The following SPATA31C2 variants were observed in gnomAD, a reference collection of about 807,000 sequenced individuals.
SPATA31C2 encodes SPATA31 subfamily C member 2.
A neutral mutation model predicts 11.4 loss-of-function variants in SPATA31C2; 5 were observed. The ratio of observed to expected loss-of-function variants is 0.44; its 90% CI spans 0.23 to 0.92. SPATA31C2 has a LOEUF of 0.92. SPATA31C2 is among the 40% of genes least tolerant of loss of function. The pLI is 0.24. For missense variants in SPATA31C2, 1,353 were observed against 1,368.6 expected (o/e 0.99, Z 0.18); for synonymous variants, 515 against 538.7 (o/e 0.96, Z 0.61).
Position 88,132,666 on chromosome 9 carries a change from G to C in SPATA31C2, c.371C>G (p.Ser124Cys), listed in dbSNP as rs1041735082. The change falls in exon 4 of 4, where the codon TCT becomes TGT. Residue 124 changes from serine (S) to cysteine (C), a missense_variant. Coordinates refer to ENST00000324915, the MANE Select transcript of SPATA31C2 (RefSeq NM_001350978.3). ...HLEKGDFGQL[S>C]GPDPPGEVGK... ...CACCTCACCTGGCGGGTCTGGACCA[G>C]AGAGCTGACCAAAGTCACCTTTTTC... The C allele has an allele frequency of 2.7e-5, 43 of 1,608,198 alleles. No individual in the cohort carries two copies. Among genetic ancestry groups the C allele is most frequent in the Non-Finnish European group, 3.7e-5 (43 of 1,176,976 alleles).
Position 88,131,815 on chromosome 9 carries a change from C to T in SPATA31C2, c.1222G>A (p.Gly408Ser). Residue 408 changes from glycine to serine, a missense_variant, in exon 4 of 4, where the codon GGT becomes AGT. Physicochemically the swap from Gly to Ser is moderately conservative, Grantham distance 56. This residue lies in a region of SPATA31C2 where 1,075 missense variants were observed against 992.8 expected (regional missense o/e 1.08). Coordinates refer to ENST00000324915, the MANE Select transcript of SPATA31C2 (RefSeq NM_001350978.3). ...ACCCTAGAGGGTAAAGCCAACCCAC[C>T]TTCTAGTTGTTTCTTCAACAAAGGC... The part of the protein sequence containing the change: ...ERPLLKKQLE[G>S]GLALPSRVQK... The T allele has an allele frequency of 6.2e-7, 1 of 1,611,570 alleles. No individual in the cohort carries two copies. Among genetic ancestry groups the T allele is most frequent in the Non-Finnish European group, 8.5e-7 (1 of 1,179,582 alleles).
At chr9:88,137,141 G>C (rs1355506602) in intron 1 of SPATA31C2, among the ~76,000 whole-genome samples, 30 of 138,774 alleles carry the variant, frequency 2.2e-4, no homozygotes, top group African/African-American at 8.2e-4. Flanking sequence ...AATCAAGACA[G>C]TGTGGTATTG....
chr9:88,132,051 A>T lies in SPATA31C2; in HGVS notation c.986T>A (p.Leu329Gln). ...AATAAAGGGTTGGGACTCAGGCTCCAGATGGGACAGGGGCTGGGCCTGGAA... is the reference window on the plus strand; with the variant it reads ...AATAAAGGGTTGGGACTCAGGCTCCTGATGGGACAGGGGCTGGGCCTGGAA... ...LLFQAQPLSH[L>Q]EPESQPFISS... The change falls in exon 4 of 4, where the codon CTG becomes CAG. Residue 329 changes from leucine (L) to glutamine (Q), a missense_variant. Leu to Gln is a moderately radical substitution (Grantham distance 113, BLOSUM62 -2). This residue lies in a region of SPATA31C2 where 1,075 missense variants were observed against 992.8 expected (regional missense o/e 1.08). Transcript: ENST00000324915. 6.2e-7 allele frequency: 1 copy of T among 1,610,852 alleles called. No homozygotes were observed.
chr9:88,131,659 G>A lies in SPATA31C2; in HGVS notation c.1378C>T (p.Arg460Cys), dbSNP rs369143949. 214 of 1,611,974 alleles carry A rather than the reference G, an allele frequency of 1.3e-4. 1 individual carries two copies. In the East Asian group the frequency reaches 3.3e-3, roughly 25 times the overall value. The change falls in exon 4 of 4, where the codon CGT becomes TGT. Residue 460 changes from arginine (R) to cysteine (C), a missense_variant. Arg to Cys is a radical substitution (Grantham distance 180). Coordinates refer to ENST00000324915, the MANE Select transcript of SPATA31C2 (RefSeq NM_001350978.3). The part of the protein sequence containing the change: ...WRQLEQHMGQ[R>C]GRIQESLDLM... ...TCCAGAGACTCTTGGATCCTTCCAC[G>A]TTGCCCCATGTGTTGCTCCAGTTGT...
intron 1 of SPATA31C2, among the ~76,000 whole-genome samples, chr9:88,137,931 C>T (rs1825701704): frequency 8.9e-6 from 1 of 111,876 alleles, no homozygotes; most frequent in Non-Finnish European, 1.6e-5. Flanking sequence ...GACCTCCCAT[C>T]TCATGACCAG....
rs1471726733 is a variant in SPATA31C2 at position 88,131,867 on chromosome 9, G to A, written c.1170C>T (p.Ser390=). 2 of 1,610,896 alleles carry A rather than the reference G, an allele frequency of 1.2e-6. No individual in the cohort carries two copies. The highest frequency in any genetic ancestry group is 1.7e-6 in the Non-Finnish European group (2 of 1,179,064). Residue 390 remains serine, a synonymous_variant, in exon 4 of 4, where the codon TCC becomes TCT. Coordinates refer to ENST00000324915, the MANE Select transcript of SPATA31C2 (RefSeq NM_001350978.3). ...TTTCAGGGTGCTGAGTTTCAGGTAG[G>A]GAGAGAGCTTGCACTTTATTCTGCG... ...PASQNKVQAL[S]LPETQHPERP...
At chr9:88,133,793 C>A in intron 1 of SPATA31C2, 124 bp from the exon 2 acceptor site, 2 of 1,343,796 alleles carry the variant, frequency 1.5e-6, no homozygotes, top group Non-Finnish European at 2.1e-6. Flanking sequence ...GCTCTGTGTG[C>A]TTCCTCCCCT....
At chr9:88,136,610 A>T (rs1825685703) in intron 1 of SPATA31C2, among the ~76,000 whole-genome samples, 1 of 146,878 alleles carries the variant, frequency 6.8e-6, no homozygotes, top group African/African-American at 2.5e-5. Context: ...TCTAATAATT[A>T]TTCATCAAGT....
intron 2 of SPATA31C2, among the ~76,000 whole-genome samples, chr9:88,133,234 A>AC (rs1825630003): frequency 2.8e-5 from 1 of 36,096 alleles, no homozygotes; most frequent in South Asian, 9.7e-4. Context: ...CAGACCCTCC[A>AC]CCCCCACGGT....
rs756748423 is a variant in SPATA31C2 at position 88,130,755 on chromosome 9, G to A, written c.2282C>T (p.Thr761Ile). The A allele has an allele frequency of 5.0e-6, 8 of 1,613,274 alleles. No individual in the cohort carries two copies. The African/African-American group carries it at 6.7e-5, about 13-fold the overall frequency. Residue 761 changes from threonine (T) to isoleucine (I), a missense_variant, in exon 4 of 4, where the codon ACA (threonine) becomes ATA (isoleucine). Transcript: ENST00000324915. ...SNDHGSLKAP[T>I]AGQEGRWPSK... The stretch of plus-strand genomic sequence containing the variant: ...TGGCCACCTGCCCTCCTGTCCAGCT[G>A]TAGGAGCCTTCAAGGACCCATGATC...
In SPATA31C2 at chr9:88,132,400, G is replaced by T; in HGVS notation, c.637C>A (p.Pro213Thr). The T allele has an allele frequency of 6.2e-7, 1 of 1,611,158 alleles. No individual in the cohort carries two copies. Among genetic ancestry groups the T allele is most frequent in the Admixed American group, 1.7e-5 (1 of 59,862 alleles). Residue 213 changes from proline (P) to threonine (T), a missense_variant, in exon 4 of 4, where the codon CCA becomes ACA. By Grantham distance (38) the Pro-to-Thr change is conservative. Around this residue, in one of 6 missense-constraint regions of SPATA31C2, gnomAD observed 1,075 missense variants for 992.8 expected, o/e 1.08. Transcript: ENST00000324915. ...SPEPPALFPH[P>T]PRTPDPLACS... ...GCCAGAGGATCAGGAGTGCGTGGTG[G>T]GTGAGGGAAAAGTGCAGGTGGCTCG...
At position 88,130,929 on chromosome 9, in the gene SPATA31C2, A is replaced by G. The variant is rs1179582826; in HGVS notation, c.2108T>C (p.Val703Ala). ...CESGAGSKVEVATFLGEPPMA... is the reference protein window; with the variant it reads ...CESGAGSKVEAATFLGEPPMA... ...TGGTGGCTCTCCAAGGAACGTGGCC[A>G]CCTCAACTTTTGAGCCAGCCCCAGA... The change falls in exon 4 of 4, where the codon GTG (valine) becomes GCG (alanine). Residue 703 changes from valine (V) to alanine (A), a missense_variant. Physicochemically the swap from Val to Ala is moderately conservative, Grantham distance 64. Coordinates refer to ENST00000324915, the MANE Select transcript of SPATA31C2 (RefSeq NM_001350978.3). The G allele has an allele frequency of 6.2e-7, 1 of 1,613,622 alleles. No homozygotes were observed. Among genetic ancestry groups the G allele is most frequent in the Non-Finnish European group, 8.5e-7 (1 of 1,179,874 alleles).
Position 88,136,632 on chromosome 9 carries a change from A to G in SPATA31C2, c.189+1626T>C, listed in dbSNP as rs565049849. Among the ~76,000 whole-genome samples, 3 of 147,130 alleles carry G rather than the reference A, an allele frequency of 2.0e-5. No homozygotes were observed. In the East Asian group the frequency reaches 6.3e-4, roughly 31 times the overall value. On this transcript the variant is annotated intron_variant, in intron 1 of 3. Coordinates refer to ENST00000324915, the MANE Select transcript of SPATA31C2 (RefSeq NM_001350978.3). ...ATTATTCATCAAGTCCTAGGACCTG[A>G]AGAATTTCTCATTAAATTTCATATT... is the stretch of plus-strand genomic sequence containing the variant.
chr9:88,137,353 G>C (rs1181303394), intron 1 of SPATA31C2, among the ~76,000 whole-genome samples: 1 of 146,766 alleles, frequency 6.8e-6, no homozygotes, highest in South Asian at 2.2e-4. Context: ...AGCCGGGCGC[G>C]GTGGCTCATG....
At chr9:88,133,075 A>G (rs971750761) in intron 2 of SPATA31C2, 49 bp from the exon 3 acceptor site, 1 of 1,247,102 alleles carries the variant, frequency 8.0e-7, no homozygotes, top group Non-Finnish European at 1.1e-6. Context: ...TTGGGATCTC[A>G]CAGGAGGCTG....
In SPATA31C2 at chr9:88,132,244, C is replaced by T; in HGVS notation, c.793G>A (p.Asp265Asn). 2 of 1,610,760 alleles carry T rather than the reference C, an allele frequency of 1.2e-6. No homozygotes were observed. Among genetic ancestry groups the T allele is most frequent in the African/African-American group, 1.3e-5 (1 of 74,966 alleles). The change falls in exon 4 of 4, where the codon GAT becomes AAT. Residue 265 changes from aspartate to asparagine, a missense_variant. By Grantham distance (23) the Asp-to-Asn change is conservative (BLOSUM62 1). This residue lies in a region of SPATA31C2 where 1,075 missense variants were observed against 992.8 expected (regional missense o/e 1.08). Coordinates refer to ENST00000324915, the MANE Select transcript of SPATA31C2 (RefSeq NM_001350978.3). ...TVPQSLSPRE[D>N]LAASVPGISG... ...ATGCCTGGGACAGAAGCCGCCAAAT[C>T]CTCACGTGGAGACAAGCTTTGAGGG... is the stretch of plus-strand genomic sequence containing the variant.
Position 88,129,637 on chromosome 9 carries a change from G to C in SPATA31C2, c.3400C>G (p.Gln1134Glu), listed in dbSNP as rs763608555. Residue 1134 changes from glutamine (Q) to glutamate (E), a missense_variant, in exon 4 of 4, where the codon CAG becomes GAG. By Grantham distance (29) the Gln-to-Glu change is conservative. This residue lies in a region of SPATA31C2 where 187 missense variants were observed against 205.8 expected (regional missense o/e 0.91). Transcript: ENST00000324915. ...CACCGGACACTTTTCAAGGGCTACT[G>C]ATCTCTGATTTGTCTGTCTCTGTTG... Reference protein sequence around the residue: ...RPNRDRQIRDQ With the variant: ...RPNRDRQIRDE The C allele has an allele frequency of 6.2e-7, 1 of 1,603,026 alleles. No individual in the cohort carries two copies. The highest frequency in any genetic ancestry group is 1.1e-5 in the South Asian group (1 of 90,936).
In SPATA31C2 at chr9:88,131,331, C is replaced by T. The variant is rs149832500; in HGVS notation, c.1706G>A (p.Arg569Lys). Residue 569 changes from arginine to lysine, a missense_variant, in exon 4 of 4, where the codon AGG (arginine) becomes AAG (lysine). By Grantham distance (26) the Arg-to-Lys change is conservative (BLOSUM62 2). Around this residue, in one of 6 missense-constraint regions of SPATA31C2, gnomAD observed 1,075 missense variants for 992.8 expected, o/e 1.08. Transcript: ENST00000324915. The part of the protein sequence containing the change: ...SGSDLLRRTE[R>K]NHIENILKAH... ...TTTCAGGATGTTTTCTATATGATTC[C>T]TCTCTGTGCGTCTTAATAAATCACT... The T allele has an allele frequency of 3.1e-6, 5 of 1,611,910 alleles. No homozygotes were observed. Among genetic ancestry groups the T allele is most frequent in the South Asian group, 2.2e-5 (2 of 90,976 alleles).
rs1825600863 is a variant in SPATA31C2 at position 88,131,810 on chromosome 9, C to T, written c.1227G>A (p.Gly409=). 1.2e-6 allele frequency: 2 copies of T among 1,611,494 alleles called. No homozygotes were observed. The highest frequency in any genetic ancestry group is 1.7e-5 in the Admixed American group (1 of 59,980). ...TTTGGACCCTAGAGGGTAAAGCCAA[C>T]CCACCTTCTAGTTGTTTCTTCAACA... ...RPLLKKQLEG[G]LALPSRVQKS... Residue 409 remains glycine (G), a synonymous_variant, in exon 4 of 4, where the codon GGG becomes GGA. Transcript: ENST00000324915.
Sources: gnomAD v4.1 joint callset for allele counts (sites outside exome capture counted in the v4.1 genomes callset) on GRCh38, gnomAD v4.1.1 for gene constraint, gnomAD v4.1.1 regional missense constraint, MANE v1.5 for transcripts, NCBI Gene and HGNC (gene_info 2026-07-23, HGNC 2026-07-21) for gene names.